ABI3BP: variants seen among roughly 807,000 people sequenced by gnomAD.
The protein encoded by ABI3BP is target of Nesh-SH3.
A neutral mutation model predicts 268.6 loss-of-function variants in ABI3BP; 216 were observed. The observed-to-expected ratio is 0.80, with a 90% CI of 0.72 to 0.90. The LOEUF (loss-of-function observed/expected upper bound fraction) is 0.90, where lower values mean the gene tolerates loss of function less well. Ranked by LOEUF, ABI3BP falls within the 40% of genes least tolerant of loss-of-function variation. ABI3BP has a pLI of 0.00. For missense variants in ABI3BP, 2,090 were observed against 2,182.4 expected (o/e 0.96, Z 0.84); for synonymous variants, 730 against 730.0 (o/e 1.00, Z 0.00).
chr3:100,944,058 A>C (rs1242521342), intron 1 of ABI3BP, among the ~76,000 whole-genome samples: 2 of 152,102 alleles, frequency 1.3e-5, no homozygotes, highest in Non-Finnish European at 2.9e-5. Context: ...CTGAAAAGCT[A>C]AATACTGGAC....
chr3:100,966,547 C>A (rs760156913), intron 1 of ABI3BP, among the ~76,000 whole-genome samples: 3 of 152,118 alleles, frequency 2.0e-5, no homozygotes, highest in Non-Finnish European at 4.4e-5. Flanking sequence ...AGTGAAACAG[C>A]AACAAAATGT....
intron 6 of ABI3BP, among the ~76,000 whole-genome samples, chr3:100,876,972 C>T (rs112573937): frequency 6.4e-4 from 98 of 152,154 alleles, no homozygotes; most frequent in African/African-American, 2.3e-3. Context: ...TGGGTGACAA[C>T]AGCGAGACTC....
chr3:100,761,347 T>C (rs1025537536), intron 63 of ABI3BP, among the ~76,000 whole-genome samples: 5 of 152,132 alleles, frequency 3.3e-5, no homozygotes, highest in African/African-American at 1.2e-4. Context: ...TCCCCACAAA[T>C]GACACCCCCT....
chr3:100,872,057 T>C (rs1009180729), intron 9 of ABI3BP, among the ~76,000 whole-genome samples: 1 of 152,178 alleles, frequency 6.6e-6, no homozygotes, highest in Non-Finnish European at 1.5e-5. Flanking sequence ...TTGCCTACGC[T>C]AGTCTTGCAT....
intron 2 of ABI3BP, among the ~76,000 whole-genome samples, chr3:100,905,905 G>C (rs1211911700): frequency 2.6e-5 from 4 of 151,976 alleles, no homozygotes; most frequent in Non-Finnish European, 4.4e-5. Context: ...AAAGGAAAAA[G>C]CTTTATATTT....
At chr3:100,788,603 C>T (rs1164509536) in intron 56 of ABI3BP, among the ~76,000 whole-genome samples, 1 of 152,034 alleles carries the variant, frequency 6.6e-6, no homozygotes, top group Admixed American at 6.6e-5. Flanking sequence ...TCACATTAAG[C>T]TCTCAACACC....
At chr3:100,991,989 A>G (rs539475974) in intron 1 of ABI3BP, among the ~76,000 whole-genome samples, 4 of 152,326 alleles carry the variant, frequency 2.6e-5, no homozygotes, top group Non-Finnish European at 4.4e-5. Context: ...CTCAAATGAT[A>G]TGTTACTGTT....
At chr3:100,918,722 T>A (rs2059403996) in intron 2 of ABI3BP, among the ~76,000 whole-genome samples, 1 of 152,128 alleles carries the variant, frequency 6.6e-6, no homozygotes, top group Non-Finnish European at 1.5e-5. Context: ...TAAACCTTAA[T>A]GAGGAGATAG....
intron 9 of ABI3BP, among the ~76,000 whole-genome samples, chr3:100,867,956 G>A (rs1014752479): frequency 1.3e-5 from 2 of 152,142 alleles, no homozygotes; most frequent in Non-Finnish European, 2.9e-5. Context: ...TTCTAAGCCA[G>A]TGTTCCCCAG....
At chr3:100,924,620 C>T (rs1432161995) in intron 2 of ABI3BP, among the ~76,000 whole-genome samples, 1 of 151,970 alleles carries the variant, frequency 6.6e-6, no homozygotes, top group Non-Finnish European at 1.5e-5. Context: ...TCTGAAATTT[C>T]CTGTAATAAA....
intron 34 of ABI3BP, among the ~76,000 whole-genome samples, chr3:100,826,858 A>AT (rs1167750015): frequency 6.6e-6 from 1 of 152,106 alleles, no homozygotes; most frequent in Non-Finnish European, 1.5e-5. Context: ...CATGAGAACA[A>AT]TGTCAGACTC....
rs775144537 is a variant in ABI3BP, at chr3:100,840,073, G to A, written c.1896C>T (p.Pro632=). Residue 632 remains proline, a splice_region_variant and synonymous_variant, in exon 23 of 68, where the codon CCC becomes CCT. Transcript: ENST00000471714. ...TPSPEVPKSK[P]ALEPATIQPE... Reference sequence around the variant, plus strand: ...TTGGAACCTGAATATCACATTTACCGGGTTTGGACTTGGGCACTTCTGGAC... The same window carrying A: ...TTGGAACCTGAATATCACATTTACCAGGTTTGGACTTGGGCACTTCTGGAC... 28 of 1,530,794 alleles carry A rather than the reference G, an allele frequency of 1.8e-5. No homozygotes were observed. Among genetic ancestry groups the A allele is most frequent in the African/African-American group, 1.1e-4 (8 of 72,432 alleles). 94.8% of individuals were successfully genotyped at this position (1,530,794 alleles called of 1,614,324 possible). A position where few individuals can be genotyped will look rare whatever the true frequency, so the allele number is the denominator to read the frequency against.
At chr3:100,871,108 T>C (rs1201920583) in intron 9 of ABI3BP, among the ~76,000 whole-genome samples, 2 of 152,076 alleles carry the variant, frequency 1.3e-5, no homozygotes, top group Non-Finnish European at 2.9e-5. Flanking sequence ...AAATCTAAAG[T>C]AGAAAACAAG....
At chr3:100,850,574 T>A in intron 16 of ABI3BP, 86 bp downstream of exon 16, 1 of 972,462 alleles carries the variant, frequency 1.0e-6, no homozygotes, top group Non-Finnish European at 1.6e-6. Flanking sequence ...TGTGATGGAA[T>A]GAAATGGTCA....
At chr3:100,911,612 T>G in intron 2 of ABI3BP, 1 of 688,586 alleles carries the variant, frequency 1.5e-6, no homozygotes, top group Non-Finnish European at 2.6e-6. Flanking sequence ...GTGTTTTTAC[T>G]GCTTGGCTAA....
At chr3:100,836,544 G>T (rs1293328922) in intron 27 of ABI3BP, among the ~76,000 whole-genome samples, 1 of 152,048 alleles carries the variant, frequency 6.6e-6, no homozygotes, top group African/African-American at 2.4e-5. Context: ...AAGAGATGGA[G>T]GAAGTCAGGA....
At chr3:100,804,503 G>A (rs547640865) in intron 51 of ABI3BP, among the ~76,000 whole-genome samples, 1 of 152,238 alleles carries the variant, frequency 6.6e-6, no homozygotes, top group South Asian at 2.1e-4. Context: ...TGAGCATAGC[G>A]TAGAATTGGC....
In ABI3BP at chr3:100,928,421, A is replaced by G. The variant is rs186196050; in HGVS notation, c.80-1940T>C. Among the ~76,000 whole-genome samples the G allele has an allele frequency of 4.3e-3, 647 of 152,170 alleles. 3 individuals are homozygous for G. The highest frequency in any genetic ancestry group is 0.014 in the African/African-American group (601 of 41,542). On this transcript the variant is annotated intron_variant, in intron 1 of 67. Transcript: ENST00000471714. Reference sequence around the variant, plus strand: ...AACATCATCACAATGAATTTATTCTACGCCACCCAAAATCAGCCTGCACAG... The same window carrying G: ...AACATCATCACAATGAATTTATTCTGCGCCACCCAAAATCAGCCTGCACAG...
At chr3:100,839,547 G>T (rs767952193) in intron 24 of ABI3BP, 22 bp downstream of exon 24, 1 of 1,535,560 alleles carries the variant, frequency 6.5e-7, no homozygotes, top group South Asian at 1.2e-5. Context: ...GAAAGCAGCC[G>T]TGGTGGAGGG....
Sources: allele counts gnomAD v4.1 joint callset (sites outside exome capture counted in the v4.1 genomes callset), GRCh38; gene constraint gnomAD v4.1.1; transcripts MANE v1.5; gene names NCBI Gene and HGNC (gene_info 2026-07-23, HGNC 2026-07-21).